Variants in CPVL observed in about 807,000 individuals in gnomAD.
The protein encoded by CPVL is carboxypeptidase vitellogenic like.
In CPVL, 51 loss-of-function variants were observed where a neutral mutation model predicts 63.7. That is an observed-to-expected ratio of 0.80 (90% CI 0.64 to 1.01). CPVL has a LOEUF of 1.01. Among genes scored for constraint, CPVL ranks in the 50% least tolerant of loss-of-function variants. The probability of loss-of-function intolerance (pLI) is 0.00; values close to 1 mark genes in which losing one functional copy is unlikely to be tolerated. For synonymous variants in CPVL, 195 were observed against 206.0 expected (o/e 0.95, Z 0.46); for missense variants, 530 against 573.1 (o/e 0.92, Z 0.77).
intron 1 of CPVL, chr7:29,127,933 T>C (rs1186363516): frequency 6.6e-6 from 1 of 152,184 alleles, no homozygotes; most frequent in African/African-American, 2.4e-5. Context: ...AAGGTTTCTG[T>C]GTCACTGAAA....
chr7:29,105,796 C>T (rs1327880104), intron 3 of CPVL, among the ~76,000 whole-genome samples: 2 of 152,202 alleles, frequency 1.3e-5, no homozygotes, highest in South Asian at 4.1e-4. Flanking sequence ...CCTGTTCTCC[C>T]ACAGCCACAT....
chr7:29,099,229 C>T (rs551975125), intron 3 of CPVL, among the ~76,000 whole-genome samples: 15 of 150,554 alleles, frequency 1.0e-4, no homozygotes, highest in South Asian at 2.1e-4. Flanking sequence ...TAGATAATCA[C>T]GAGGAATTTG....
intron 12 of CPVL, among the ~76,000 whole-genome samples, chr7:28,999,269 C>T (rs1784379228): frequency 6.6e-6 from 1 of 152,124 alleles, no homozygotes; most frequent in Non-Finnish European, 1.5e-5. Flanking sequence ...ATAAAAATAC[C>T]TGAGCTCATT....
intron 12 of CPVL, chr7:29,010,384 G>C (rs1256250367): frequency 4.0e-5 from 6 of 151,732 alleles, no homozygotes; most frequent in African/African-American, 1.5e-4. Context: ...AAAAAGGCTG[G>C]ATGCACCTCA....
intron 2 of CPVL, among the ~76,000 whole-genome samples, chr7:29,114,028 C>T (rs773042094): frequency 6.6e-6 from 1 of 152,114 alleles, no homozygotes; most frequent in African/African-American, 2.4e-5. Context: ...ACTAAAGATG[C>T]CTTTGACGGT....
intron 7 of CPVL, among the ~76,000 whole-genome samples, chr7:29,079,164 T>C (rs1784475297): frequency 6.6e-6 from 1 of 152,212 alleles, no homozygotes; most frequent in African/African-American, 2.4e-5. Context: ...AGAGAACTTC[T>C]TTTCTGTTTG....
At chr7:29,106,086 C>G (rs1002446291) in intron 3 of CPVL, among the ~76,000 whole-genome samples, 1 of 152,050 alleles carries the variant, frequency 6.6e-6, no homozygotes, top group African/African-American at 2.4e-5. Context: ...GTACCCTGGT[C>G]CAAAGCTGGT....
intron 12 of CPVL, among the ~76,000 whole-genome samples, chr7:29,019,481 G>A (rs950170032): frequency 1.1e-4 from 16 of 152,126 alleles, no homozygotes; most frequent in African/African-American, 3.9e-4. Flanking sequence ...CCCTCTCTCG[G>A]TACCGTACTG....
At chr7:29,130,911 T>C (rs1329623103) in intron 1 of CPVL, among the ~76,000 whole-genome samples, 2 of 152,244 alleles carry the variant, frequency 1.3e-5, no homozygotes, top group Non-Finnish European at 2.9e-5. Flanking sequence ...CATAATGGAT[T>C]TCTAGTGTAC....
At chr7:29,146,724 G>C, upstream of CPVL, 1 of 1,550,526 alleles carries the variant, frequency 6.4e-7, no homozygotes, top group South Asian at 1.2e-5. Context: ...TTAATGAAGA[G>C]CATCGGCGGG....
intron 1 of CPVL, chr7:29,191,753 G>T (rs1163409104): frequency 6.6e-6 from 1 of 152,100 alleles, no homozygotes; most frequent in Non-Finnish European, 1.5e-5. Context: ...TGGCAAATAG[G>T]TATTACCTAG....
At chr7:29,056,709 CTGAA>C (rs1790766324) in intron 11 of CPVL, among the ~76,000 whole-genome samples, 1 of 152,072 alleles carries the variant, frequency 6.6e-6, no homozygotes, top group East Asian at 1.9e-4. Context: ...AGAATGACTG[CTGAA>C]TGGTATGGTA....
At chr7:29,137,799 A>G (rs1231657936) in intron 1 of CPVL, among the ~76,000 whole-genome samples, 1 of 152,180 alleles carries the variant, frequency 6.6e-6, no homozygotes, top group Admixed American at 6.5e-5. Context: ...AGCATTTAAA[A>G]ATTTGTTATG....
chr7:29,092,062 T>C (rs1785867600), intron 6 of CPVL, among the ~76,000 whole-genome samples: 1 of 151,874 alleles, frequency 6.6e-6, no homozygotes, highest in East Asian at 1.9e-4. Flanking sequence ...TCTGACCAAA[T>C]AAGAAAGGTC....
intron 11 of CPVL, among the ~76,000 whole-genome samples, chr7:29,036,926 C>T (rs1214652469): frequency 6.6e-6 from 1 of 152,088 alleles, no homozygotes; most frequent in East Asian, 1.9e-4. Context: ...GTACCATGAT[C>T]CCCCAACAGG....
chr7:29,023,586 C>A (rs1230377397), intron 12 of CPVL, among the ~76,000 whole-genome samples: 1 of 152,144 alleles, frequency 6.6e-6, no homozygotes, highest in Non-Finnish European at 1.5e-5. Flanking sequence ...CTACCAGTTT[C>A]CATGTATGCC....
chr7:29,111,938 T>C (rs1183087394), intron 3 of CPVL, among the ~76,000 whole-genome samples: 1 of 152,198 alleles, frequency 6.6e-6, no homozygotes, highest in Non-Finnish European at 1.5e-5. Flanking sequence ...TACTCTGCAG[T>C]GGAATAAGAT....
At chr7:29,071,999 T>C in intron 8 of CPVL, 95 bp from the exon 9 acceptor site, 4 of 1,506,992 alleles carry the variant, frequency 2.7e-6, no homozygotes, top group Non-Finnish European at 3.6e-6. Flanking sequence ...TTTGTAATTG[T>C]TAATATTGTG....
intron 7 of CPVL, among the ~76,000 whole-genome samples, chr7:29,083,860 C>G (rs1784965183): frequency 6.6e-6 from 1 of 152,070 alleles, no homozygotes; most frequent in Non-Finnish European, 1.5e-5. Flanking sequence ...CCTGAGGATC[C>G]CACACTGAGG....
Sources: allele counts gnomAD v4.1 joint callset (sites outside exome capture counted in the v4.1 genomes callset), GRCh38; gene constraint gnomAD v4.1.1; transcripts MANE v1.5; gene names NCBI Gene and HGNC (gene_info 2026-07-23, HGNC 2026-07-21).